ZCCHC7: variants seen among roughly 807,000 people sequenced by gnomAD.
ZCCHC7 encodes zinc finger CCHC domain-containing protein 7.
Under a neutral mutation model 52.0 loss-of-function variants are expected in ZCCHC7, and 35 were observed. The observed-to-expected ratio is 0.67, with a 90% CI of 0.51 to 0.89. The LOEUF (loss-of-function observed/expected upper bound fraction) is 0.89. Ranked by LOEUF, ZCCHC7 falls within the 40% of genes least tolerant of loss-of-function variation. The pLI is 0.00. For synonymous variants in ZCCHC7, 217 were observed against 221.5 expected (o/e 0.98, Z 0.18); for missense variants, 574 against 649.1 (o/e 0.88, Z 1.26).
At chr9:37,342,271 G>A (rs1246969806) in intron 6 of ZCCHC7, among the ~76,000 whole-genome samples, 1 of 152,158 alleles carries the variant, frequency 6.6e-6, no homozygotes, top group Non-Finnish European at 1.5e-5. Flanking sequence ...TAAGAAACTG[G>A]AAGGACAAAG....
intron 2 of ZCCHC7, among the ~76,000 whole-genome samples, chr9:37,202,100 A>G (rs1481244997): frequency 6.6e-6 from 1 of 152,262 alleles, no homozygotes; most frequent in East Asian, 1.9e-4. Context: ...GATATAATGC[A>G]TAAAAATAAA....
chr9:37,265,929 C>T (rs1353720227), intron 2 of ZCCHC7, among the ~76,000 whole-genome samples: 1 of 152,104 alleles, frequency 6.6e-6, no homozygotes, highest in African/African-American at 2.4e-5. Flanking sequence ...TTCTCATCCT[C>T]AAATCAGTCT....
intron 2 of ZCCHC7, among the ~76,000 whole-genome samples, chr9:37,301,149 G>A (rs949342410): frequency 2.0e-5 from 3 of 152,140 alleles, no homozygotes; most frequent in South Asian, 4.1e-4. Flanking sequence ...CTCATATTTG[G>A]TAGAAATACT....
At chr9:37,212,970 T>C (rs1295319871) in intron 2 of ZCCHC7, among the ~76,000 whole-genome samples, 1 of 152,200 alleles carries the variant, frequency 6.6e-6, no homozygotes, top group Non-Finnish European at 1.5e-5. Context: ...GACTTTTTAA[T>C]AGCTGTAATT....
intron 2 of ZCCHC7, among the ~76,000 whole-genome samples, chr9:37,259,189 G>C (rs963261727): frequency 2.0e-5 from 3 of 152,194 alleles, no homozygotes; most frequent in Admixed American, 6.5e-5. Flanking sequence ...AAGGGGAAAA[G>C]TACAGTTAAG....
chr9:37,121,864 C>T (rs978062482), intron 1 of ZCCHC7, among the ~76,000 whole-genome samples: 1 of 152,292 alleles, frequency 6.6e-6, no homozygotes, highest in African/African-American at 2.4e-5. Context: ...TTTTGTTTTA[C>T]ACATTTGGAT....
chr9:37,165,280 A>C (rs1821356843), intron 2 of ZCCHC7, among the ~76,000 whole-genome samples: 1 of 151,860 alleles, frequency 6.6e-6, no homozygotes, highest in African/African-American at 2.4e-5. Context: ...GGAATAAAAA[A>C]GGCAGTTTTA....
chr9:37,249,595 G>A (rs539703993), intron 2 of ZCCHC7, among the ~76,000 whole-genome samples: 1 of 151,598 alleles, frequency 6.6e-6, no homozygotes, highest in East Asian at 1.9e-4. Context: ...GGGACTACGG[G>A]TGCGTGCCAC....
At chr9:37,258,612 G>C (rs772212596) in intron 2 of ZCCHC7, among the ~76,000 whole-genome samples, 8 of 151,680 alleles carry the variant, frequency 5.3e-5, no homozygotes, top group Non-Finnish European at 1.2e-4. Context: ...AAAAATTGGC[G>C]TGGCACATGC....
intron 2 of ZCCHC7, among the ~76,000 whole-genome samples, chr9:37,257,331 G>A (rs993488029): frequency 1.3e-5 from 2 of 152,208 alleles, no homozygotes; most frequent in Admixed American, 1.3e-4. Context: ...GGAAGGCAGA[G>A]AGGTTTCTTG....
intron 6 of ZCCHC7, among the ~76,000 whole-genome samples, chr9:37,344,838 T>A (rs1454229549): frequency 6.6e-6 from 1 of 152,232 alleles, no homozygotes; most frequent in Admixed American, 6.5e-5. Context: ...TGGCATGTAT[T>A]AGGCCCTCAA....
At chr9:37,272,808 C>T (rs1473555923) in intron 2 of ZCCHC7, among the ~76,000 whole-genome samples, 2 of 152,184 alleles carry the variant, frequency 1.3e-5, no homozygotes, top group Non-Finnish European at 2.9e-5. Context: ...CTCTGCATCC[C>T]ATAGGGTTTC....
Position 37,133,781 on chromosome 9 carries a change from G to T in ZCCHC7, c.610+6839G>T, listed in dbSNP as rs189116681. Among the ~76,000 whole-genome samples, 15 of 152,258 alleles carry T rather than the reference G, an allele frequency of 9.9e-5. No homozygotes were observed. The South Asian group carries it at 2.9e-3, about 29-fold the overall frequency. ...TTTTTGTATTTTTAGTAGAAACGGG[G>T]TTTCACCATGTTGGCCAGGCTGGTC... On this transcript the variant is annotated intron_variant, in intron 2 of 8. Transcript: ENST00000336755.
chr9:37,205,285 T>A, intron 2 of ZCCHC7: 1 of 225,998 alleles, frequency 4.4e-6, no homozygotes, highest in Non-Finnish European at 8.9e-6. Flanking sequence ...CCTATTCCCT[T>A]GATGTCTGCA....
At chr9:37,303,834 T>C (rs1829164139) in intron 3 of ZCCHC7, among the ~76,000 whole-genome samples, 1 of 151,736 alleles carries the variant, frequency 6.6e-6, no homozygotes, top group Non-Finnish European at 1.5e-5. Flanking sequence ...CAGCTAGTTT[T>C]GTATTTTTAG....
chr9:37,343,174 C>T (rs1820748336), intron 6 of ZCCHC7, among the ~76,000 whole-genome samples: 1 of 152,168 alleles, frequency 6.6e-6, no homozygotes, highest in African/African-American at 2.4e-5. Flanking sequence ...TCTCACCACA[C>T]CTCTTAGTGT....
In ZCCHC7 at chr9:37,211,288, GAAGTTT is replaced by G. The variant is rs549594673; in HGVS notation, c.610+84354_610+84359del. On this transcript the variant is annotated intron_variant, in intron 2 of 8. Coordinates refer to ENST00000336755, the MANE Select transcript of ZCCHC7 (RefSeq NM_032226.3). The stretch of plus-strand genomic sequence containing the variant: ...GTCATAATTTTTTCAATGAAGGTGT[GAAGTTT>G]AAGTTTAGTGGGAGAGAGTGATTCA... Among the ~76,000 whole-genome samples the G allele has an allele frequency of 1.8e-4, 27 of 152,330 alleles. 1 individual carries two copies. In the East Asian group the frequency reaches 2.3e-3, roughly 13 times the overall value.
At chr9:37,315,386 G>T (rs1309193240) in intron 5 of ZCCHC7, among the ~76,000 whole-genome samples, 1 of 151,906 alleles carries the variant, frequency 6.6e-6, no homozygotes, top group African/African-American at 2.4e-5. Flanking sequence ...AATAGTAAGC[G>T]TGATCTTCGT....
At chr9:37,218,948 T>A (rs1023170285) in intron 2 of ZCCHC7, among the ~76,000 whole-genome samples, 1 of 148,532 alleles carries the variant, frequency 6.7e-6, no homozygotes, top group African/African-American at 2.5e-5. Context: ...CAACATTTTT[T>A]TTTTTTTTTT....
Sources: gnomAD v4.1 joint callset for allele counts (sites outside exome capture counted in the v4.1 genomes callset) on GRCh38, gnomAD v4.1.1 for gene constraint, MANE v1.5 for transcripts, NCBI Gene and HGNC (gene_info 2026-07-23, HGNC 2026-07-21) for gene names.